Variants in XYLT1 observed in about 807,000 individuals in gnomAD.
XYLT1 encodes beta-D-xylosyltransferase 1.
XYLT1 carries 36 observed loss-of-function variants against 91.3 expected under a neutral mutation model. The ratio of observed to expected loss-of-function variants is 0.39; its 90% CI spans 0.30 to 0.52. The LOEUF (loss-of-function observed/expected upper bound fraction) is 0.52, where lower values mean the gene tolerates loss of function less well. XYLT1 is among the 20% of genes least tolerant of loss of function. XYLT1 has a pLI of 0.68. For synonymous variants in XYLT1, 588 were observed against 532.0 expected (o/e 1.11, Z -1.45); for missense variants, 1,242 against 1,284.5 (o/e 0.97, Z 0.51).
rs987884375 is a variant in XYLT1 at position 17,197,020 on chromosome 16, TATATATATATAG to T, written c.1289+1180_1289+1191del. On this transcript the variant is annotated intron_variant, in intron 5 of 11. Coordinates refer to ENST00000261381, the MANE Select transcript of XYLT1 (RefSeq NM_022166.4). ...AGCGAGACTCTGTCTCCAAAATATA[TATATATATATAG>T]ATATATATACCGTTCAGAATATCAT... Among the ~76,000 whole-genome samples the T allele has an allele frequency of 2.4e-3, 278 of 117,914 alleles. 23 individuals are homozygous for T. Among genetic ancestry groups the T allele is most frequent in the African/African-American group, 0.011 (262 of 24,314 alleles). The allele number at this position is 117,914 out of a possible 152,430, so 77.4% of individuals were successfully genotyped here.
intron 1 of XYLT1, among the ~76,000 whole-genome samples, chr16:17,400,985 T>TACACACACACACACACAC (rs71373111): frequency 1.3e-4 from 20 of 148,790 alleles, no homozygotes; most frequent in African/African-American, 4.9e-4. Flanking sequence ...CTCTCTTTCA[T>TACACACACACACACACAC]ACACACACAC....
At chr16:17,252,427 G>T (rs1396957035) in intron 3 of XYLT1, among the ~76,000 whole-genome samples, 1 of 152,192 alleles carries the variant, frequency 6.6e-6, no homozygotes, top group East Asian at 1.9e-4. Flanking sequence ...GAGACCCTAG[G>T]GTGTGTGGCT....
chr16:17,332,681 C>T (rs940754229), intron 2 of XYLT1, among the ~76,000 whole-genome samples: 1 of 151,910 alleles, frequency 6.6e-6, no homozygotes, highest in Non-Finnish European at 1.5e-5. Flanking sequence ...CTCTAGAGGT[C>T]AGCTTGCAAC....
At chr16:17,440,439 TAC>T (rs781724140) in intron 1 of XYLT1, among the ~76,000 whole-genome samples, 9 of 152,200 alleles carry the variant, frequency 5.9e-5, no homozygotes, top group Non-Finnish European at 1.3e-4. Flanking sequence ...CACACATAAT[TAC>T]AGTCAGCACA....
At chr16:17,279,918 T>G (rs369651294) in intron 2 of XYLT1, among the ~76,000 whole-genome samples, 1 of 152,200 alleles carries the variant, frequency 6.6e-6, no homozygotes, top group African/African-American at 2.4e-5. Flanking sequence ...CTCAGCAAGA[T>G]GCAGACCTCC....
chr16:17,153,773 A>G (rs796680371), intron 6 of XYLT1, among the ~76,000 whole-genome samples: 58 of 152,282 alleles, frequency 3.8e-4, no homozygotes, highest in African/African-American at 1.3e-3. Flanking sequence ...TGGCACATAA[A>G]CACACTTTGC....
At chr16:17,439,021 C>A (rs1472899622) in intron 1 of XYLT1, among the ~76,000 whole-genome samples, 1 of 152,140 alleles carries the variant, frequency 6.6e-6, no homozygotes, top group East Asian at 1.9e-4. Context: ...TAGATCTGAT[C>A]ATTGAAATTA....
At chr16:17,333,422 T>G (rs1413575994) in intron 2 of XYLT1, among the ~76,000 whole-genome samples, 2 of 152,098 alleles carry the variant, frequency 1.3e-5, no homozygotes, top group African/African-American at 4.8e-5. Context: ...GCATTTCAAG[T>G]GCTCAGTAAC....
intron 5 of XYLT1, among the ~76,000 whole-genome samples, chr16:17,183,807 G>A (rs1434356338): frequency 6.6e-6 from 1 of 152,142 alleles, no homozygotes; most frequent in Non-Finnish European, 1.5e-5. Context: ...GAGCAAGGGA[G>A]AGAAAATACT....
At chr16:17,122,014 G>T (rs2030077606) in intron 10 of XYLT1, among the ~76,000 whole-genome samples, 1 of 151,790 alleles carries the variant, frequency 6.6e-6, no homozygotes, top group Non-Finnish European at 1.5e-5. Context: ...TTCACTGATT[G>T]ATGGGCTGCT....
intron 6 of XYLT1, among the ~76,000 whole-genome samples, chr16:17,143,464 G>A (rs911153364): frequency 6.6e-6 from 1 of 152,196 alleles, no homozygotes; most frequent in Admixed American, 6.5e-5. Flanking sequence ...CCTTCAGGCT[G>A]CTGGCCCTTA....
At chr16:17,306,557 G>GAGAT (rs1555496148) in intron 2 of XYLT1, among the ~76,000 whole-genome samples, 2 of 146,472 alleles carry the variant, frequency 1.4e-5, no homozygotes, top group Non-Finnish European at 3.0e-5. Flanking sequence ...TGTCACAAAA[G>GAGAT]ATATATATAT....
intron 1 of XYLT1, among the ~76,000 whole-genome samples, chr16:17,380,465 AAGG>A (rs1476616767): frequency 7.9e-5 from 12 of 152,216 alleles, no homozygotes; most frequent in Non-Finnish European, 4.4e-5. Flanking sequence ...ACTGGAAAAG[AAGG>A]AGAAGTCTCC....
At chr16:17,137,314 G>GAGGAGATCAAAC (rs1396587928) in intron 8 of XYLT1, among the ~76,000 whole-genome samples, 4 of 151,958 alleles carry the variant, frequency 2.6e-5, no homozygotes, top group Non-Finnish European at 2.9e-5. Flanking sequence ...GCCCGGCACA[G>GAGGAGATCAAAC]AGGAGATCAA....
intron 1 of XYLT1, among the ~76,000 whole-genome samples, chr16:17,378,453 G>A (rs547211132): frequency 6.6e-6 from 1 of 152,264 alleles, no homozygotes; most frequent in South Asian, 2.1e-4. Flanking sequence ...ACCAGTCAAT[G>A]GATATTTCCC....
In XYLT1 at chr16:17,330,719, G is replaced by A. The variant is rs555133960; in HGVS notation, c.402+27293C>T. 1.1e-4 allele frequency among the ~76,000 whole-genome samples: 17 copies of A among 152,092 alleles called. No homozygotes were observed. The East Asian group carries it at 2.5e-3, about 23-fold the overall frequency. ...TGAGGCAGGAGAATCGCTTGAACCC[G>A]GGAGGCGGAGGTAGTAATGAGCCAA... On this transcript the variant is annotated intron_variant, in intron 2 of 11. Coordinates refer to ENST00000261381, the MANE Select transcript of XYLT1 (RefSeq NM_022166.4).
intron 2 of XYLT1, among the ~76,000 whole-genome samples, chr16:17,326,158 T>G (rs2034798002): frequency 6.8e-6 from 1 of 147,518 alleles, no homozygotes; most frequent in Admixed American, 6.9e-5. Context: ...CCTTTTTTGG[T>G]GGCAAGAACA....
intron 1 of XYLT1, among the ~76,000 whole-genome samples, chr16:17,412,982 T>C (rs1161915646): frequency 1.3e-5 from 2 of 152,180 alleles, no homozygotes; most frequent in Non-Finnish European, 2.9e-5. Flanking sequence ...GCCAAGTGTG[T>C]CTGGAGAGAT....
intron 1 of XYLT1, among the ~76,000 whole-genome samples, chr16:17,455,788 A>G (rs1442897930): frequency 6.6e-6 from 1 of 152,206 alleles, no homozygotes; most frequent in Non-Finnish European, 1.5e-5. Context: ...GACTCCTCGC[A>G]TGGAAATCTA....
Sources: allele counts gnomAD v4.1 joint callset (sites outside exome capture counted in the v4.1 genomes callset), GRCh38; gene constraint gnomAD v4.1.1; transcripts MANE v1.5; gene names NCBI Gene and HGNC (gene_info 2026-07-23, HGNC 2026-07-21).